Variants in DOCK3 observed in about 807,000 individuals in gnomAD.
DOCK3 encodes the protein dedicator of cytokinesis protein 3.
Under a neutral mutation model 265.6 loss-of-function variants are expected in DOCK3, and 60 were observed. The ratio of observed to expected loss-of-function variants is 0.23; its 90% CI spans 0.18 to 0.28. The LOEUF (loss-of-function observed/expected upper bound fraction) is 0.28. DOCK3 is among the 10% of genes least tolerant of loss of function. DOCK3 has a pLI of 1.00. For missense variants in DOCK3, 1,981 were observed against 2,594.3 expected, an observed-to-expected ratio of 0.76 and a Z score of 5.14; for synonymous variants, 881 against 938.0, an observed-to-expected ratio of 0.94 and a Z score of 1.11.
rs575649922 is a variant in DOCK3, at chr3:50,837,678, A to G, written c.122-3997A>G. On this transcript the variant is annotated intron_variant, in intron 2 of 52. Transcript: ENST00000266037. ...GCGGGAAAACTTCTCTCTTCTGTGTATTTATATAGGATGATTGGAGATGGC... is the reference window on the plus strand; with the variant it reads ...GCGGGAAAACTTCTCTCTTCTGTGTGTTTATATAGGATGATTGGAGATGGC... Among the ~76,000 whole-genome samples, 60 of 152,226 alleles carry G rather than the reference A, an allele frequency of 3.9e-4. 1 individual carries two copies. The South Asian group carries it at 0.012, about 30-fold the overall frequency.
chr3:50,829,052 A>G (rs2044962501), intron 2 of DOCK3, among the ~76,000 whole-genome samples: 2 of 152,102 alleles, frequency 1.3e-5, no homozygotes, highest in Admixed American at 6.5e-5. Flanking sequence ...ATGCTTTTAC[A>G]TGGTTCTATC....
At chr3:51,174,020 A>C (rs1206184849) in intron 12 of DOCK3, among the ~76,000 whole-genome samples, 1 of 152,094 alleles carries the variant, frequency 6.6e-6, no homozygotes, top group Non-Finnish European at 1.5e-5. Context: ...ATTTCAAATG[A>C]CCTGTCTTTG....
intron 29 of DOCK3, 87 bp from the exon 30 acceptor site, chr3:51,312,389 T>G: frequency 8.8e-7 from 1 of 1,135,150 alleles, no homozygotes; most frequent in South Asian, 1.4e-5. Flanking sequence ...GTAAAATGGG[T>G]TCTATGCTAC....
At chr3:51,199,575 C>G (rs1288563406) in intron 12 of DOCK3, among the ~76,000 whole-genome samples, 1 of 152,266 alleles carries the variant, frequency 6.6e-6, no homozygotes, top group African/African-American at 2.4e-5. Context: ...CTCAAGGAGG[C>G]CTGCCTGCGT....
intron 27 of DOCK3, among the ~76,000 whole-genome samples, chr3:51,309,184 C>T (rs1327379583): frequency 3.3e-5 from 5 of 152,088 alleles, no homozygotes; most frequent in South Asian, 4.2e-4. Flanking sequence ...GACGGGGTGG[C>T]GGCCGGGCAG....
At chr3:51,225,996 C>T (rs946072904) in intron 15 of DOCK3, among the ~76,000 whole-genome samples, 4 of 152,156 alleles carry the variant, frequency 2.6e-5, no homozygotes, top group Non-Finnish European at 5.9e-5. Context: ...TGACCTGAAT[C>T]CCTCTTGCTC....
chr3:50,702,899 G>A (rs1053646789), intron 1 of DOCK3, among the ~76,000 whole-genome samples: 2 of 152,130 alleles, frequency 1.3e-5, no homozygotes, highest in Non-Finnish European at 2.9e-5. Context: ...AGTAGTGAAA[G>A]TGGGCATCCT....
intron 1 of DOCK3, among the ~76,000 whole-genome samples, chr3:50,742,937 A>C (rs1433656571): frequency 2.0e-5 from 3 of 152,260 alleles, no homozygotes; most frequent in Non-Finnish European, 4.4e-5. Context: ...TGTTAAGGGC[A>C]GCCAGAAAGG....
chr3:51,035,019 A>T (rs2080209485), intron 5 of DOCK3, among the ~76,000 whole-genome samples: 1 of 151,894 alleles, frequency 6.6e-6, no homozygotes. Context: ...TATATTTAGT[A>T]GTTTGACTAT....
intron 9 of DOCK3, among the ~76,000 whole-genome samples, chr3:51,095,846 G>T (rs2082825315): frequency 7.4e-5 from 1 of 13,484 alleles, no homozygotes; most frequent in African/African-American, 3.2e-4. Flanking sequence ...CATAAATAAG[G>T]TTAGCAAAAA....
At chr3:50,730,925 T>C (rs1263351156) in intron 1 of DOCK3, among the ~76,000 whole-genome samples, 1 of 151,800 alleles carries the variant, frequency 6.6e-6, no homozygotes, top group Non-Finnish European at 1.5e-5. Flanking sequence ...GGCCAGGAGA[T>C]CGAGACCATC....
chr3:50,853,520 G>A (rs1183418162), intron 3 of DOCK3, among the ~76,000 whole-genome samples: 1 of 151,934 alleles, frequency 6.6e-6, no homozygotes, highest in African/African-American at 2.4e-5. Flanking sequence ...CATGTTACGT[G>A]TACTCATTGA....
intron 1 of DOCK3, among the ~76,000 whole-genome samples, chr3:50,724,513 A>G (rs1252506093): frequency 1.3e-5 from 2 of 152,208 alleles, no homozygotes; most frequent in Non-Finnish European, 2.9e-5. Context: ...ATGCAGCCAT[A>G]AAAAAGGATG....
chr3:51,052,687 A>G (rs566902637), intron 5 of DOCK3, among the ~76,000 whole-genome samples: 2 of 152,160 alleles, frequency 1.3e-5, no homozygotes, highest in Admixed American at 1.3e-4. Context: ...GGAGACTCAG[A>G]TCTTGAAGGG....
chr3:51,330,033 G>A, intron 32 of DOCK3, 105 bp from the exon 33 acceptor site: 1 of 1,118,540 alleles, frequency 8.9e-7, no homozygotes, highest in Non-Finnish European at 1.3e-6. Flanking sequence ...AGCAAGGACA[G>A]GATCAGGAAG....
intron 9 of DOCK3, among the ~76,000 whole-genome samples, chr3:51,131,643 CAACTT>C (rs1354530623): frequency 2.0e-5 from 3 of 152,106 alleles, no homozygotes; most frequent in Non-Finnish European, 4.4e-5. Context: ...GGCTTCCTAT[CAACTT>C]AACCTCTAGG....
intron 22 of DOCK3, among the ~76,000 whole-genome samples, chr3:51,247,149 A>C (rs1439339256): frequency 6.6e-6 from 1 of 152,214 alleles, no homozygotes; most frequent in Non-Finnish European, 1.5e-5. Context: ...TGATTGAATT[A>C]GGATCCTCTA....
intron 2 of DOCK3, chr3:50,787,497 T>C: frequency 4.0e-6 from 2 of 503,018 alleles, no homozygotes; most frequent in Non-Finnish European, 7.1e-6. Flanking sequence ...ATCGCGCCAT[T>C]GCACTCCAGC....
chr3:51,108,428 A>G (rs2083380610), intron 9 of DOCK3, among the ~76,000 whole-genome samples: 1 of 152,184 alleles, frequency 6.6e-6, no homozygotes, highest in South Asian at 2.1e-4. Flanking sequence ...GCCAACCACC[A>G]CATACACACA....
Sources: gnomAD v4.1 joint callset for allele counts (sites outside exome capture counted in the v4.1 genomes callset) on GRCh38, gnomAD v4.1.1 for gene constraint, MANE v1.5 for transcripts, NCBI Gene and HGNC (gene_info 2026-07-23, HGNC 2026-07-21) for gene names.